The following ALMS1 variants were observed in gnomAD, a reference collection of about 807,000 sequenced individuals.
ALMS1 encodes ALMS1 centrosome and basal body associated protein.
Under a neutral mutation model 352.2 loss-of-function variants are expected in ALMS1, and 271 were observed. The ratio of observed to expected loss-of-function variants is 0.77; its 90% CI spans 0.70 to 0.85. ALMS1 has a LOEUF of 0.85. ALMS1 is among the 40% of genes least tolerant of loss of function. The probability of loss-of-function intolerance (pLI) is 0.00; values close to 1 mark genes in which losing one functional copy is unlikely to be tolerated. For synonymous variants in ALMS1, 1,865 were observed against 1,761.2 expected (o/e 1.06, Z -1.48); for missense variants, 5,445 against 4,870.7 (o/e 1.12, Z -3.51).
chr2:73,545,699 A>G (rs1018854788), intron 12 of ALMS1, among the ~76,000 whole-genome samples: 3 of 152,208 alleles, frequency 2.0e-5, no homozygotes, highest in Non-Finnish European at 2.9e-5. Flanking sequence ...GCTGTGATAA[A>G]TAATTTTAGC....
intron 21 of ALMS1, 93 bp from the exon 22 acceptor site, chr2:73,608,382 G>A (rs1675865545): frequency 2.1e-6 from 2 of 966,880 alleles, no homozygotes; most frequent in South Asian, 2.6e-5. Flanking sequence ...TGGAGAGTGG[G>A]AGGTATAGGG....
Position 73,608,703 on chromosome 2 carries a change from C to A in ALMS1, c.12462+129C>A, listed in dbSNP as rs748816139. 867 of 762,354 alleles carry A rather than the reference C, an allele frequency of 1.1e-3. 2 individuals are homozygous for A. Among genetic ancestry groups the A allele is most frequent in the Non-Finnish European group, 1.8e-3 (801 of 440,654 alleles). The allele number at this position is 762,354 out of a possible 1,614,324, so 47.2% of individuals were successfully genotyped here. A position where few individuals can be genotyped will look rare whatever the true frequency, so the allele number is the denominator to read the frequency against. On this transcript the variant is annotated intron_variant, in intron 22 of 22. Transcript: ENST00000613296. ...ATTTGAGGAATGAACTTAGAATGCA[C>A]TGGACCAGTGTTGAAATTTGGAAGA...
intron 21 of ALMS1, 159 bp downstream of exon 21, chr2:73,603,463 A>AG (rs1675745897): frequency 1.4e-6 from 1 of 692,880 alleles, no homozygotes; most frequent in Non-Finnish European, 2.5e-6. Flanking sequence ...TGAAAAAAAA[A>AG]AAAGCACATC....
chr2:73,518,012 A>G (rs1334598280), intron 10 of ALMS1, among the ~76,000 whole-genome samples: 3 of 151,818 alleles, frequency 2.0e-5, no homozygotes, highest in African/African-American at 4.8e-5. Flanking sequence ...AATTTGTTCT[A>G]TAGGTAAACT....
intron 16 of ALMS1, among the ~76,000 whole-genome samples, chr2:73,594,537 T>C (rs1675504972): frequency 6.6e-6 from 1 of 152,220 alleles, no homozygotes; most frequent in African/African-American, 2.4e-5. Flanking sequence ...CTGTGAATCC[T>C]ACCCACTCCC....
chr2:73,558,842 G>A (rs760866474), intron 14 of ALMS1, 130 bp from the exon 15 acceptor site: 27 of 982,054 alleles, frequency 2.7e-5, no homozygotes, highest in African/African-American at 3.3e-5. Context: ...TTTTCTAAAC[G>A]CATTTCTGAG....
intron 11 of ALMS1, 110 bp downstream of exon 11, chr2:73,520,126 A>G: frequency 1.5e-6 from 2 of 1,375,450 alleles, no homozygotes; most frequent in Non-Finnish European, 2.1e-6. Flanking sequence ...TTAATTTAAG[A>G]ATTAGGGTCC....
At chr2:73,419,873 T>C (rs890596983) in intron 3 of ALMS1, among the ~76,000 whole-genome samples, 6 of 152,174 alleles carry the variant, frequency 3.9e-5, no homozygotes, top group Admixed American at 3.9e-4. Flanking sequence ...ACTTTTAAAA[T>C]CATTAAGGGA....
At chr2:73,541,104 G>T (rs532915244) in intron 12 of ALMS1, among the ~76,000 whole-genome samples, 3 of 152,088 alleles carry the variant, frequency 2.0e-5, no homozygotes, top group African/African-American at 4.8e-5. Context: ...TATTCCAAAA[G>T]TGACCACATA....
intron 9 of ALMS1, 79 bp from the exon 10 acceptor site, chr2:73,489,555 A>T: frequency 1.3e-6 from 2 of 1,543,176 alleles, no homozygotes; most frequent in Admixed American, 3.3e-5. Flanking sequence ...GTGGGTATAA[A>T]ACTGATTTGT....
chr2:73,390,084 T>C (rs2103627914), intron 1 of ALMS1, among the ~76,000 whole-genome samples: 1 of 152,214 alleles, frequency 6.6e-6, no homozygotes, highest in African/African-American at 2.4e-5. Flanking sequence ...CTGAGAAAAA[T>C]TAGATATTTT....
intron 10 of ALMS1, among the ~76,000 whole-genome samples, chr2:73,501,416 A>T (rs186947705): frequency 1.3e-5 from 2 of 151,550 alleles, no homozygotes; most frequent in Non-Finnish European, 2.9e-5. Flanking sequence ...TTTCTCCTGT[A>T]TTTTCATGTA....
At chr2:73,572,200 G>A (rs1312515026) in intron 15 of ALMS1, 62 bp from the exon 16 acceptor site, 9 of 1,371,940 alleles carry the variant, frequency 6.6e-6, no homozygotes, top group Non-Finnish European at 9.1e-6. Context: ...ATTGTGAATA[G>A]TATTTCTAAA....
In ALMS1 at chr2:73,568,995, C is replaced by CTTTT. The variant is rs747436819; in HGVS notation, c.10385-3233_10385-3230dup. 1.5e-3 allele frequency among the ~76,000 whole-genome samples: 78 copies of CTTTT among 53,558 alleles called. 28 individuals are homozygous for CTTTT. The highest frequency in any genetic ancestry group is 2.0e-3 in the East Asian group (4 of 1,976). 35.1% of individuals were successfully genotyped at this position (53,558 alleles called of 152,430 possible). A position where few individuals can be genotyped will look rare whatever the true frequency, so the allele number is the denominator to read the frequency against. ...AGCTTGCTTGCTGCTGCTTCTGCTTCTTTTTTTTTTTTTTTTTTTTTTTTT... is the reference window on the plus strand; with the variant it reads ...AGCTTGCTTGCTGCTGCTTCTGCTTCTTTTTTTTTTTTTTTTTTTTTTTTTTTTT... On this transcript the variant is annotated intron_variant, in intron 15 of 22. Transcript: ENST00000613296.
At position 73,573,377 on chromosome 2, in the gene ALMS1, G is replaced by C. The variant is rs768521637; in HGVS notation, c.11500G>C (p.Gly3834Arg). ...ACACAGCAAGAAAGTGCTGAATACA[G>C]GTCATCCCCTAGTGACTTCTGAGCA... Reference protein sequence around the residue: ...SKHSKKVLNTGHPLVTSEHTR... With the variant: ...SKHSKKVLNTRHPLVTSEHTR... Residue 3834 changes from glycine (G) to arginine (R), a missense_variant, in exon 16 of 23, where the codon GGT becomes CGT. Transcript: ENST00000613296. 1.2e-6 allele frequency: 2 copies of C among 1,614,068 alleles called. No homozygotes were observed. Among genetic ancestry groups the C allele is most frequent in the South Asian group, 1.1e-5 (1 of 91,076 alleles).
At chr2:73,398,430 G>A (rs905109079) in intron 1 of ALMS1, among the ~76,000 whole-genome samples, 4 of 152,154 alleles carry the variant, frequency 2.6e-5, no homozygotes, top group African/African-American at 9.7e-5. Flanking sequence ...CCAATTCGGA[G>A]TCTTTTGCCC....
At chr2:73,533,482 G>A (rs1673964295) in intron 11 of ALMS1, among the ~76,000 whole-genome samples, 2 of 152,150 alleles carry the variant, frequency 1.3e-5, no homozygotes, top group Admixed American at 1.3e-4. Flanking sequence ...ATCATGATCT[G>A]CAGTATCTAG....
intron 3 of ALMS1, among the ~76,000 whole-genome samples, chr2:73,420,582 A>G (rs1460129312): frequency 6.6e-6 from 1 of 152,212 alleles, no homozygotes; most frequent in African/African-American, 2.4e-5. Flanking sequence ...GCCATTTAAT[A>G]CTAAAAAAGG....
At chr2:73,550,772 C>G (rs918775215) in intron 13 of ALMS1, among the ~76,000 whole-genome samples, 1 of 152,034 alleles carries the variant, frequency 6.6e-6, no homozygotes, top group African/African-American at 2.4e-5. Flanking sequence ...TAGTTTATCT[C>G]TGTCAGATAT....
Sources: gnomAD v4.1 joint callset for allele counts (sites outside exome capture counted in the v4.1 genomes callset) on GRCh38, gnomAD v4.1.1 for gene constraint, MANE v1.5 for transcripts, NCBI Gene and HGNC (gene_info 2026-07-23, HGNC 2026-07-21) for gene names.